LRP8: variants seen among roughly 807,000 people sequenced by gnomAD.
LRP8 encodes LDL receptor related protein 8.
In LRP8, 46 loss-of-function variants were observed where a neutral mutation model predicts 111.6. That is an observed-to-expected ratio of 0.41 (90% confidence interval 0.33 to 0.53). LRP8 has a LOEUF of 0.53. Ranked by LOEUF, LRP8 falls within the 20% of genes least tolerant of loss-of-function variation. The pLI, the probability that LRP8 is intolerant of heterozygous loss-of-function variation, is 0.20. For missense variants in LRP8, 959 were observed against 1,297.4 expected, an observed-to-expected ratio of 0.74 and a Z score of 4.01; for synonymous variants, 464 against 511.2, an observed-to-expected ratio of 0.91 and a Z score of 1.24.
chr1:53,271,545 T>G (rs1169951240), intron 6 of LRP8, among the ~76,000 whole-genome samples, 199 bp from the exon 7 acceptor site: 1 of 151,970 alleles, frequency 6.6e-6, no homozygotes, highest in Non-Finnish European at 1.5e-5. Context: ...GGCAGGTTCC[T>G]ACTCCAGGCC....
chr1:53,255,077 G>A (rs941102309), intron 16 of LRP8, 40 bp downstream of exon 16: 4 of 1,604,354 alleles, frequency 2.5e-6, no homozygotes, highest in African/African-American at 1.3e-5. Flanking sequence ...GCCTAAGCAG[G>A]GTCTCTCTTT....
At chr1:53,274,921 C>T (rs1646872022) in intron 6 of LRP8, 3 of 442,294 alleles carry the variant, frequency 6.8e-6, no homozygotes, top group Non-Finnish European at 1.4e-5. Flanking sequence ...AGTTCCAGTC[C>T]CTCACAGGTC....
intron 6 of LRP8, among the ~76,000 whole-genome samples, chr1:53,272,131 A>G (rs552695389): frequency 1.4e-3 from 217 of 151,802 alleles, no homozygotes; most frequent in Middle Eastern, 3.4e-3. Flanking sequence ...TGCTAAATCA[A>G]TTCTCTCCTA....
At chr1:53,309,192 T>C (rs529460692) in intron 2 of LRP8, among the ~76,000 whole-genome samples, 1 of 152,234 alleles carries the variant, frequency 6.6e-6, no homozygotes, top group African/African-American at 2.4e-5. Context: ...AGAGAATCAC[T>C]TGAACTCAGG....
chr1:53,257,470 G>T lies in LRP8; in HGVS notation c.2210-6C>A. On this transcript the variant is annotated splice_polypyrimidine_tract_variant and splice_region_variant and intron_variant, in intron 14 of 18. Coordinates refer to ENST00000306052, the MANE Select transcript of LRP8 (RefSeq NM_004631.5). ...AGTTGAGGTAGATTGAGGTGCTGGAGGGGAAATACCATGGAGGTCACTTGG... is the reference window on the plus strand; with the variant it reads ...AGTTGAGGTAGATTGAGGTGCTGGATGGGAAATACCATGGAGGTCACTTGG... 1 of 1,611,604 alleles carries T rather than the reference G, an allele frequency of 6.2e-7. No individual in the cohort carries two copies. Among genetic ancestry groups the T allele is most frequent in the Non-Finnish European group, 8.5e-7 (1 of 1,177,858 alleles).
At chr1:53,278,624 G>GCTGCCA (rs1247482550) in intron 4 of LRP8, among the ~76,000 whole-genome samples, 1 of 152,092 alleles carries the variant, frequency 6.6e-6, no homozygotes, top group South Asian at 2.1e-4. Flanking sequence ...AAAAGCACAT[G>GCTGCCA]CTGCCACTGC....
intron 3 of LRP8, among the ~76,000 whole-genome samples, chr1:53,287,160 T>C (rs1026869342): frequency 1.3e-5 from 2 of 152,222 alleles, no homozygotes; most frequent in African/African-American, 2.4e-5. Context: ...GAGGTTGCTA[T>C]GGCAACACCA....
intron 2 of LRP8, chr1:53,307,204 A>G (rs1165676625): frequency 6.6e-6 from 1 of 152,254 alleles, no homozygotes; most frequent in Non-Finnish European, 1.5e-5. Context: ...AAAGAGCACC[A>G]CGCAGGGAGC....
intron 2 of LRP8, among the ~76,000 whole-genome samples, chr1:53,298,216 C>T (rs1650111808): frequency 6.6e-6 from 1 of 152,344 alleles, no homozygotes; most frequent in Non-Finnish European, 1.5e-5. Flanking sequence ...AGGCCCAAGC[C>T]CTTGCTGGGG....
rs963770845 is a variant in LRP8 at position 53,246,758 on chromosome 1, C to T, written c.*260G>A. 15 of 457,792 alleles carry T rather than the reference C, an allele frequency of 3.3e-5. No individual in the cohort carries two copies. Among genetic ancestry groups the T allele is most frequent in the African/African-American group, 1.2e-4 (6 of 48,092 alleles). The allele number at this position is 457,792 out of a possible 1,614,324, so 28.4% of individuals were successfully genotyped here. On this transcript the variant is annotated 3_prime_UTR_variant, in exon 19 of 19. Transcript: ENST00000306052. ...ATGTTAGTCAGCAGTAGCCATTCCA[C>T]GAATTCCTCATGGGTAGTGCAACCA...
At chr1:53,281,880 C>T (rs1374966509) in intron 3 of LRP8, among the ~76,000 whole-genome samples, 3 of 152,212 alleles carry the variant, frequency 2.0e-5, no homozygotes, top group African/African-American at 4.8e-5. Flanking sequence ...CTGAATTTTG[C>T]TTATTCACTG....
At chr1:53,265,453 C>T (rs1382532965) in intron 9 of LRP8, among the ~76,000 whole-genome samples, 3 of 152,208 alleles carry the variant, frequency 2.0e-5, no homozygotes, top group African/African-American at 7.2e-5. Flanking sequence ...TACTGCTTCA[C>T]ACATCAGAGA....
chr1:53,295,723 G>A (rs1649584830), intron 2 of LRP8, among the ~76,000 whole-genome samples: 1 of 152,134 alleles, frequency 6.6e-6, no homozygotes, highest in Non-Finnish European at 1.5e-5. Context: ...AAAGGCCCTG[G>A]GAAGGACTGC....
At chr1:53,295,149 G>A (rs887238448) in intron 2 of LRP8, among the ~76,000 whole-genome samples, 4 of 152,214 alleles carry the variant, frequency 2.6e-5, no homozygotes, top group Non-Finnish European at 4.4e-5. Context: ...CAAGCCAGGC[G>A]AGGGCCACCT....
chr1:53,261,127 A>C (rs575897945), intron 12 of LRP8, among the ~76,000 whole-genome samples: 1 of 152,312 alleles, frequency 6.6e-6, no homozygotes, highest in South Asian at 2.1e-4. Flanking sequence ...ATGTTCATCC[A>C]CACACAAAAA....
At chr1:53,318,119 G>T (rs1301770187) in intron 2 of LRP8, among the ~76,000 whole-genome samples, 1 of 152,228 alleles carries the variant, frequency 6.6e-6, no homozygotes, top group Non-Finnish European at 1.5e-5. Flanking sequence ...GAGAGGGAGA[G>T]CCATTCACCC....
chr1:53,274,563 G>A (rs1646858358), intron 6 of LRP8: 1 of 399,762 alleles, frequency 2.5e-6, no homozygotes, highest in Non-Finnish European at 5.1e-6. Flanking sequence ...GAAGCCATAG[G>A]ACGGCACATG....
Position 53,276,930 on chromosome 1 carries a change from G to A in LRP8, c.645C>T (p.Gly215=). Residue 215 remains glycine, a synonymous_variant, in exon 5 of 19, where the codon GGC becomes GGT. Transcript: ENST00000306052. ...CCGGGATGCAGGCGCCGCCGCCATC[G>A]CCGCCGCAGCGGAACTCGCGGGGCC... The part of the protein sequence containing the change: ...ACGPREFRCG[G]DGGGACIPER... 3 of 1,447,848 alleles carry A rather than the reference G, an allele frequency of 2.1e-6. No homozygotes were observed. The highest frequency in any genetic ancestry group is 2.5e-5 in the Admixed American group (1 of 40,590). 89.7% of individuals were successfully genotyped at this position (1,447,848 alleles called of 1,614,324 possible). A position where few individuals can be genotyped will look rare whatever the true frequency, so the allele number is the denominator to read the frequency against.
intron 2 of LRP8, among the ~76,000 whole-genome samples, chr1:53,314,438 A>G (rs111384270): frequency 0.044 from 6,722 of 152,298 alleles, 491 homozygotes; most frequent in African/African-American, 0.15. Context: ...ACCACAAGTC[A>G]GCTGTCACAG....
Sources: gnomAD v4.1 joint callset for allele counts (sites outside exome capture counted in the v4.1 genomes callset) on GRCh38, gnomAD v4.1.1 for gene constraint, MANE v1.5 for transcripts, NCBI Gene and HGNC (gene_info 2026-07-23, HGNC 2026-07-21) for gene names.